P2RY8: variants seen among roughly 807,000 people sequenced by gnomAD.
The protein encoded by P2RY8 is S-geranylgeranyl-glutathione receptor P2RY8.
Under a neutral mutation model 10.0 loss-of-function variants are expected in P2RY8, and 6 were observed. That is an observed-to-expected ratio of 0.60 (90% CI 0.33 to 1.19). The LOEUF is 1.19. Among genes scored for constraint, P2RY8 ranks in the 50% most tolerant of loss-of-function variants. The pLI is 0.04. For missense variants in P2RY8, 456 were observed against 542.0 expected, an observed-to-expected ratio of 0.84 and a Z score of 1.58; for synonymous variants, 276 against 252.5, an observed-to-expected ratio of 1.09 and a Z score of -0.88.
intron 1 of P2RY8, among the ~76,000 whole-genome samples, chrX:1,473,815 A>AGTGGGTGG (rs1298218910): frequency 9.5e-6 from 1 of 105,724 alleles, no homozygotes; most frequent in Non-Finnish European, 2.0e-5. Flanking sequence ...TGAATGGGTG[A>AGTGGGTGG]GTGGGTGGGT....
chrX:1,507,743 C>T (rs2092248437), intron 1 of P2RY8, among the ~76,000 whole-genome samples: 3 of 152,230 alleles, frequency 2.0e-5, no homozygotes, highest in African/African-American at 7.2e-5. Flanking sequence ...TGAGTTTGAG[C>T]CTGCTTCTGG....
chrX:1,512,659 A>C (rs1226633952), intron 1 of P2RY8, among the ~76,000 whole-genome samples: 1 of 152,038 alleles, frequency 6.6e-6, no homozygotes, highest in East Asian at 1.9e-4. Flanking sequence ...TCATGGCGGA[A>C]GGCAAAGGAG....
Position 1,472,277 on chromosome X carries a change from AG to A in P2RY8, c.-24-5696del, listed in dbSNP as rs1282260302. Among the ~76,000 whole-genome samples the A allele has an allele frequency of 4.9e-3, 169 of 34,322 alleles. 1 individual carries two copies. The highest frequency in any genetic ancestry group is 8.0e-3 in the Non-Finnish European group (137 of 17,102). The allele number at this position is 34,322 out of a possible 152,430, so 22.5% of individuals were successfully genotyped here. On this transcript the variant is annotated intron_variant, in intron 1 of 1. Transcript: ENST00000381297. ...AAATTCACTGGCGTCCTTAGGAGAA[AG>A]AGAAATTTAGGCACAGACACAGAGA...
intron 1 of P2RY8, among the ~76,000 whole-genome samples, chrX:1,505,201 C>T (rs1332243511): frequency 1.3e-5 from 2 of 150,514 alleles, no homozygotes; most frequent in African/African-American, 2.4e-5. Context: ...TGAATCAGGG[C>T]GTCTCAGAGG....
chrX:1,465,656 C>A lies in P2RY8; in HGVS notation c.903G>T (p.Gln301His), dbSNP rs151217179. 14 of 1,613,544 alleles carry A rather than the reference C, an allele frequency of 8.7e-6. No individual in the cohort carries two copies. Among genetic ancestry groups the A allele is most frequent in the Non-Finnish European group, 1.2e-5 (14 of 1,179,830 alleles). ...AGCCCAAATATTCCCGCAGGCGCAG[C>A]TGGAATTCCCGGGACGCAAAGTAAT... Reference protein sequence around the residue: ...FVYYFASREFQLRLREYLGCR... With the variant: ...FVYYFASREFHLRLREYLGCR... The change falls in exon 2 of 2, where the codon CAG becomes CAT. Residue 301 changes from glutamine to histidine, a missense_variant. Coordinates refer to ENST00000381297, the MANE Select transcript of P2RY8 (RefSeq NM_178129.5).
intron 1 of P2RY8, among the ~76,000 whole-genome samples, chrX:1,513,009 C>A (rs189584543): frequency 2.6e-5 from 4 of 151,704 alleles, no homozygotes; most frequent in South Asian, 2.1e-4. Flanking sequence ...TCCTAATGCT[C>A]TCCCTCCCCT....
chrX:1,469,856 A>G (rs1176259564), intron 1 of P2RY8, among the ~76,000 whole-genome samples: 6 of 152,070 alleles, frequency 3.9e-5, no homozygotes, highest in Non-Finnish European at 8.8e-5. Context: ...CCGAGATCGC[A>G]CCACTGTACT....
At chrX:1,489,415 T>C (rs1167529463) in intron 1 of P2RY8, among the ~76,000 whole-genome samples, 4 of 151,832 alleles carry the variant, frequency 2.6e-5, no homozygotes, top group Admixed American at 6.6e-5. Flanking sequence ...CAGGATTCAC[T>C]TCCGTAAATG....
At chrX:1,481,728 C>T (rs1182977655) in intron 1 of P2RY8, among the ~76,000 whole-genome samples, 1 of 152,128 alleles carries the variant, frequency 6.6e-6, no homozygotes, top group Non-Finnish European at 1.5e-5. Flanking sequence ...TCTGTGATAA[C>T]ACCTGCCTCT....
intron 1 of P2RY8, among the ~76,000 whole-genome samples, chrX:1,507,862 C>T (rs1384105809): frequency 1.5e-4 from 23 of 152,268 alleles, no homozygotes; most frequent in East Asian, 9.6e-4. Context: ...GTCAGACCCA[C>T]GGCTGATAAC....
At chrX:1,493,481 A>G (rs2092086950) in intron 1 of P2RY8, among the ~76,000 whole-genome samples, 2 of 149,886 alleles carry the variant, frequency 1.3e-5, no homozygotes, top group Admixed American at 1.3e-4. Context: ...GGAGGGAAGG[A>G]AGGAAAGATC....
At chrX:1,493,444 AGGAAGGAGGAAGGAGGG>A (rs755731445) in intron 1 of P2RY8, among the ~76,000 whole-genome samples, 2,808 of 83,016 alleles carry the variant, frequency 0.034, 300 homozygotes, top group African/African-American at 0.069. Context: ...GGGAAGGAGG[AGGAAGGAGGAAGGAGGG>A]AGGAGGGAGG....
intron 1 of P2RY8, among the ~76,000 whole-genome samples, chrX:1,525,756 A>T (rs1358825086): frequency 3.3e-5 from 5 of 151,524 alleles, no homozygotes; most frequent in Non-Finnish European, 7.4e-5. Flanking sequence ...TTATCCATCC[A>T]CTCATCCATC....
At chrX:1,494,080 C>G (rs1411307731) in intron 1 of P2RY8, 1 of 152,322 alleles carries the variant, frequency 6.6e-6, no homozygotes, top group South Asian at 2.1e-4. Context: ...ACTCCCAGGT[C>G]CCCGTGACTT....
chrX:1,475,524 ATTAG>A (rs767952103), intron 1 of P2RY8, among the ~76,000 whole-genome samples: 535 of 152,264 alleles, frequency 3.5e-3, no homozygotes, highest in African/African-American at 0.013. Context: ...ATCAGTGGTA[ATTAG>A]TTATGGCAGC....
chrX:1,530,065 C>CTT (rs1556687043), intron 1 of P2RY8, among the ~76,000 whole-genome samples: 6 of 150,870 alleles, frequency 4.0e-5, no homozygotes, highest in African/African-American at 4.9e-5. Context: ...GAGAATCTCT[C>CTT]CTCTCTCTCT....
rs749271833 is a variant in P2RY8 at position 1,509,668 on chromosome X, TCATCCATCCATC to T, written c.-25+27241_-25+27252del. ...ATCCATCTGTCTATCCTGTATGTGTTCATCCATCCATCCATCCATCCATCCATCCATCCATCC... is the reference window on the plus strand; with the variant it reads ...ATCCATCTGTCTATCCTGTATGTGTTCATCCATCCATCCATCCATCCATCC... On this transcript the variant is annotated intron_variant, in intron 1 of 1. Coordinates refer to ENST00000381297, the MANE Select transcript of P2RY8 (RefSeq NM_178129.5). Among the ~76,000 whole-genome samples, 19 of 122,664 alleles carry T rather than the reference TCATCCATCCATC, an allele frequency of 1.5e-4. 1 individual carries two copies. Among genetic ancestry groups the T allele is most frequent in the East Asian group, 9.5e-4 (4 of 4,216 alleles). The allele number at this position is 122,664 out of a possible 152,430, so 80.5% of individuals were successfully genotyped here.
chrX:1,472,876 T>C (rs1418154504), intron 1 of P2RY8, among the ~76,000 whole-genome samples: 3 of 133,790 alleles, frequency 2.2e-5, no homozygotes, highest in African/African-American at 8.6e-5. Context: ...GATGGATGAG[T>C]GGGTGGATGG....
At chrX:1,513,030 C>T (rs1413376125) in intron 1 of P2RY8, among the ~76,000 whole-genome samples, 1 of 149,056 alleles carries the variant, frequency 6.7e-6, no homozygotes, top group Admixed American at 6.7e-5. Context: ...TGCCCCCCCA[C>T]CCCCCAACAG....
Sources: allele counts gnomAD v4.1 joint callset (sites outside exome capture counted in the v4.1 genomes callset), GRCh38; gene constraint gnomAD v4.1.1; transcripts MANE v1.5; gene names NCBI Gene and HGNC (gene_info 2026-07-23, HGNC 2026-07-21).